GRIK3: variants seen among roughly 807,000 people sequenced by gnomAD.
GRIK3 encodes the protein glutamate ionotropic receptor kainate type subunit 3.
Under a neutral mutation model 102.5 loss-of-function variants are expected in GRIK3, and 29 were observed. The observed-to-expected ratio is 0.28, with a 90% confidence interval of 0.21 to 0.39. The LOEUF is 0.39. Ranked by LOEUF, GRIK3 falls within the 10% of genes least tolerant of loss-of-function variation. The pLI is 1.00. For synonymous variants in GRIK3, 511 were observed against 504.9 expected (o/e 1.01, Z -0.16); for missense variants, 908 against 1,252.4 (o/e 0.73, Z 4.15).
At chr1:36,933,988 G>A (rs765680823) in intron 1 of GRIK3, among the ~76,000 whole-genome samples, 5 of 152,198 alleles carry the variant, frequency 3.3e-5, no homozygotes, top group Non-Finnish European at 7.3e-5. Flanking sequence ...GAGACCACTG[G>A]ACCACACTTA....
chr1:36,995,832 C>G (rs1254744216), intron 1 of GRIK3, among the ~76,000 whole-genome samples: 1 of 152,202 alleles, frequency 6.6e-6, no homozygotes, highest in African/African-American at 2.4e-5. Context: ...CCTTCCCAGA[C>G]CTCACAAACA....
intron 1 of GRIK3, among the ~76,000 whole-genome samples, chr1:36,946,243 A>G (rs693916): frequency 0.91 from 138,605 of 152,308 alleles, 63,350 homozygotes; most frequent in East Asian, 1. Flanking sequence ...GGACTGCACC[A>G]GGACAGAGCA....
chr1:36,812,162 G>A (rs1642569393), intron 13 of GRIK3, among the ~76,000 whole-genome samples: 1 of 152,092 alleles, frequency 6.6e-6, no homozygotes, highest in African/African-American at 2.4e-5. Flanking sequence ...GCTCAAGGAA[G>A]GGTCTGTCAT....
chr1:36,920,713 C>T (rs1019397284), intron 1 of GRIK3, among the ~76,000 whole-genome samples: 2 of 152,234 alleles, frequency 1.3e-5, no homozygotes, highest in Non-Finnish European at 2.9e-5. Context: ...CTCCGTGCCC[C>T]TCCAGAAGGG....
At chr1:36,959,176 C>CT (rs1641967834) in intron 1 of GRIK3, among the ~76,000 whole-genome samples, 1 of 107,300 alleles carries the variant, frequency 9.3e-6, no homozygotes, top group African/African-American at 3.3e-5. Flanking sequence ...CTGTGTGTCC[C>CT]ATGACTCTGT....
intron 1 of GRIK3, among the ~76,000 whole-genome samples, chr1:36,926,607 TC>T (rs778374565): frequency 1.3e-5 from 2 of 152,150 alleles, no homozygotes; most frequent in Non-Finnish European, 2.9e-5. Context: ...GCCAGGCTGG[TC>T]TTGAACTCCT....
chr1:36,828,088 A>C (rs540041805), intron 10 of GRIK3, among the ~76,000 whole-genome samples: 82 of 150,908 alleles, frequency 5.4e-4, no homozygotes, highest in African/African-American at 1.5e-3. Flanking sequence ...AAAAAAAAAA[A>C]CTCTCAGGGA....
intron 1 of GRIK3, among the ~76,000 whole-genome samples, chr1:36,924,396 G>A (rs1641505528): frequency 6.6e-6 from 1 of 152,182 alleles, no homozygotes; most frequent in Non-Finnish European, 1.5e-5. Context: ...CTAGTGATGC[G>A]TTGGGAGCTC....
chr1:36,970,417 C>T (rs1483746364), intron 1 of GRIK3, among the ~76,000 whole-genome samples: 4 of 152,224 alleles, frequency 2.6e-5, no homozygotes, highest in Admixed American at 2.6e-4. Flanking sequence ...TAGCCTTTCT[C>T]TCATTCCAAT....
rs1642440318 is a variant in GRIK3, at chr1:36,801,599, G to A, written c.*252C>T. 2.6e-6 allele frequency: 1 copy of A among 386,304 alleles called. No homozygotes were observed. The highest frequency in any genetic ancestry group is 7.6e-5 in the South Asian group (1 of 13,218). 23.9% of individuals were successfully genotyped at this position (386,304 alleles called of 1,614,324 possible). A position where few individuals can be genotyped will look rare whatever the true frequency, so the allele number is the denominator to read the frequency against. On this transcript the variant is annotated 3_prime_UTR_variant, in exon 16 of 16. Coordinates refer to ENST00000373091, the MANE Select transcript of GRIK3 (RefSeq NM_000831.4). ...TGAGTTTGGCCTGAGAGAGGCATGT[G>A]CTTCCTTTGGCCTTGGCTATCTCGG...
chr1:36,870,977 G>C (rs936639060), intron 4 of GRIK3, among the ~76,000 whole-genome samples: 3 of 152,138 alleles, frequency 2.0e-5, no homozygotes, highest in Admixed American at 6.5e-5. Flanking sequence ...GGGAGGCTAG[G>C]GGTTATAGGC....
chr1:36,813,322 C>A (rs1386250934), intron 13 of GRIK3, among the ~76,000 whole-genome samples: 2 of 152,208 alleles, frequency 1.3e-5, no homozygotes, highest in African/African-American at 4.8e-5. Context: ...GTGCCTGGCA[C>A]AAAGTAAGTG....
chr1:36,907,913 G>A lies in GRIK3; in HGVS notation c.116-16817C>T, dbSNP rs112337899. On this transcript the variant is annotated intron_variant, in intron 1 of 15. Transcript: ENST00000373091. The stretch of plus-strand genomic sequence containing the variant: ...CTCTAGGGAATTGTTCCCAGTGAGA[G>A]AGGCCCCCTTGCCCAGGAGGAGGGG... Among the ~76,000 whole-genome samples, 644 of 152,248 alleles carry A rather than the reference G, an allele frequency of 4.2e-3. 6 individuals are homozygous for A. The highest frequency in any genetic ancestry group is 0.015 in the African/African-American group (619 of 41,552).
At chr1:36,955,520 C>T (rs1641896019) in intron 1 of GRIK3, among the ~76,000 whole-genome samples, 1 of 152,202 alleles carries the variant, frequency 6.6e-6, no homozygotes, top group African/African-American at 2.4e-5. Context: ...ACAGCACACA[C>T]AGACATACCC....
intron 1 of GRIK3, among the ~76,000 whole-genome samples, chr1:36,987,521 T>C (rs1033996714): frequency 1.3e-5 from 2 of 152,192 alleles, no homozygotes; most frequent in African/African-American, 4.8e-5. Context: ...GGGAGACATA[T>C]AGACTACCTC....
chr1:37,020,218 C>T lies in GRIK3; in HGVS notation c.115+13776G>A, dbSNP rs1009110408. On this transcript the variant is annotated intron_variant, in intron 1 of 15. Transcript: ENST00000373091. Reference sequence around the variant, plus strand: ...CTGGGAGAGGCTTTGTCAATGCCCACCCCCACCACAAGCCTTCCCAGACAC... The same window carrying T: ...CTGGGAGAGGCTTTGTCAATGCCCATCCCCACCACAAGCCTTCCCAGACAC... 3.3e-5 allele frequency among the ~76,000 whole-genome samples: 5 copies of T among 152,250 alleles called. No homozygotes were observed. In the East Asian group the frequency reaches 9.6e-4, roughly 29 times the overall value.
At position 36,812,994 on chromosome 1, in the gene GRIK3, G is replaced by A. The variant is rs184042468; in HGVS notation, c.2091+4066C>T. Among the ~76,000 whole-genome samples the A allele has an allele frequency of 1.1e-4, 16 of 152,332 alleles. No individual in the cohort carries two copies. The East Asian group carries it at 1.3e-3, about 13-fold the overall frequency. On this transcript the variant is annotated intron_variant, in intron 13 of 15. Transcript: ENST00000373091. ...CACGTATTATTAGAGCAACTACGAC[G>A]TGCCAGGGCTGTGCAGGGCTGGGTA...
At chr1:36,804,300 C>T (rs1216392997) in intron 15 of GRIK3, among the ~76,000 whole-genome samples, 1 of 152,202 alleles carries the variant, frequency 6.6e-6, no homozygotes, top group African/African-American at 2.4e-5. Context: ...ACATTTAAAT[C>T]ACCCTGTAGG....
intron 1 of GRIK3, among the ~76,000 whole-genome samples, chr1:36,918,654 G>C (rs184023093): frequency 1.8e-4 from 27 of 152,270 alleles, no homozygotes; most frequent in Non-Finnish European, 3.2e-4. Context: ...GTGTCCAGCT[G>C]TGTCCTCCCC....
Sources: gnomAD v4.1 joint callset for allele counts (sites outside exome capture counted in the v4.1 genomes callset) on GRCh38, gnomAD v4.1.1 for gene constraint, MANE v1.5 for transcripts, NCBI Gene and HGNC (gene_info 2026-07-23, HGNC 2026-07-21) for gene names.